The following PIP variants were observed in gnomAD, a reference collection of about 807,000 sequenced individuals.
The protein encoded by PIP is prolactin induced protein.
PIP carries 9 observed loss-of-function variants against 12.8 expected under a neutral mutation model. That is an observed-to-expected ratio of 0.70 (90% CI 0.42 to 1.23). The LOEUF (loss-of-function observed/expected upper bound fraction) is 1.23, where lower values mean the gene tolerates loss of function less well. Ranked by LOEUF, PIP falls within the 50% of genes most tolerant of loss-of-function variation. The pLI, the probability that PIP is intolerant of heterozygous loss-of-function variation, is 0.00. For missense variants in PIP, 172 were observed against 179.5 expected, an observed-to-expected ratio of 0.96 and a Z score of 0.24; for synonymous variants, 60 against 66.1, an observed-to-expected ratio of 0.91 and a Z score of 0.45.
chr7:143,138,697 G>A (rs890466965), intron 2 of PIP, among the ~76,000 whole-genome samples: 2 of 152,128 alleles, frequency 1.3e-5, no homozygotes, highest in Admixed American at 1.3e-4. Context: ...TGGCCAGGCT[G>A]CTGTCTCACC....
At position 143,139,541 on chromosome 7, in the gene PIP, G is replaced by A. The variant is rs149269022; in HGVS notation, c.340G>A (p.Val114Ile). ...TNRTVQIAAV[V>I]DVIRELGICP... Reference sequence around the variant, plus strand: ...AGGAACTGTGCAAATTGCAGCCGTCGTTGATGTTATTCGGGAATTAGGCAT... The same window carrying A: ...AGGAACTGTGCAAATTGCAGCCGTCATTGATGTTATTCGGGAATTAGGCAT... The change falls in exon 4 of 4, where the codon GTT becomes ATT. Residue 114 changes from valine (V) to isoleucine (I), a missense_variant. By Grantham distance (29) the Val-to-Ile change is conservative (BLOSUM62 3). Coordinates refer to ENST00000291009, the MANE Select transcript of PIP (RefSeq NM_002652.3). The A allele has an allele frequency of 2.0e-4, 317 of 1,613,266 alleles. 2 individuals carry two copies. The African/African-American group carries it at 3.6e-3, about 18-fold the overall frequency.
intron 1 of PIP, among the ~76,000 whole-genome samples, chr7:143,134,149 C>T (rs1259554607): frequency 7.7e-6 from 1 of 129,366 alleles, no homozygotes; most frequent in Admixed American, 8.6e-5. Flanking sequence ...GCTGTTAATT[C>T]ATTCCTTATT....
chr7:143,134,753 A>G (rs1454403133), intron 1 of PIP, among the ~76,000 whole-genome samples: 1 of 151,748 alleles, frequency 6.6e-6, no homozygotes, highest in Non-Finnish European at 1.5e-5. Flanking sequence ...TTTTCTTTTT[A>G]AAAACTTGTT....
At chr7:143,134,834 T>G (rs983092192) in intron 1 of PIP, among the ~76,000 whole-genome samples, 3 of 152,006 alleles carry the variant, frequency 2.0e-5, no homozygotes, top group Non-Finnish European at 4.4e-5. Flanking sequence ...GATTTTGCAA[T>G]TGTGAATTGT....
intron 2 of PIP, among the ~76,000 whole-genome samples, chr7:143,136,943 T>A (rs955018535): frequency 6.6e-6 from 1 of 151,738 alleles, no homozygotes; most frequent in Non-Finnish European, 1.5e-5. Flanking sequence ...GCTTCATTTT[T>A]CAAAGTATAA....
At position 143,134,183 on chromosome 7, in the gene PIP, CATATATATATATATATATATATATATAT is replaced by C. The variant is rs60656573; in HGVS notation, c.96-987_96-960del. Among the ~76,000 whole-genome samples, 58 of 41,666 alleles carry C rather than the reference CATATATATATATATATATATATATATAT, an allele frequency of 1.4e-3. 2 individuals carry two copies. The East Asian group carries it at 0.022, about 16-fold the overall frequency. The allele number at this position is 41,666 out of a possible 152,430, so 27.3% of individuals were successfully genotyped here. A position where few individuals can be genotyped will look rare whatever the true frequency, so the allele number is the denominator to read the frequency against. On this transcript the variant is annotated intron_variant, in intron 1 of 3. Coordinates refer to ENST00000291009, the MANE Select transcript of PIP (RefSeq NM_002652.3). ...TTATGGCTGAGTAGTAGTATTCCAT[CATATATATATATATATATATATATATAT>C]ATATATATATATATATATATATACC...
chr7:143,137,014 C>T (rs1164592289), intron 2 of PIP, among the ~76,000 whole-genome samples: 1 of 151,246 alleles, frequency 6.6e-6, no homozygotes, highest in African/African-American at 2.4e-5. Context: ...CCATCTAATC[C>T]TCATTTTTTA....
chr7:143,134,474 G>T (rs544894285), intron 1 of PIP, among the ~76,000 whole-genome samples: 1 of 151,394 alleles, frequency 6.6e-6, no homozygotes, highest in African/African-American at 2.4e-5. Flanking sequence ...TTACATTCCC[G>T]TCAGCAGTAT....
At chr7:143,134,563 GT>G (rs1431737222) in intron 1 of PIP, among the ~76,000 whole-genome samples, 1 of 151,816 alleles carries the variant, frequency 6.6e-6, no homozygotes, top group Admixed American at 6.6e-5. Flanking sequence ...TCTTGCAGGA[GT>G]AAGGTGGTAT....
In PIP at chr7:143,135,237, C is replaced by G; in HGVS notation, c.139C>G (p.Arg47Gly). The G allele has an allele frequency of 6.2e-7, 1 of 1,601,262 alleles. No homozygotes were observed. Among genetic ancestry groups the G allele is most frequent in the Non-Finnish European group, 8.6e-7 (1 of 1,168,526 alleles). The change falls in exon 2 of 4, where the codon CGT becomes GGT. Residue 47 changes from arginine to glycine, a missense_variant. Physicochemically the swap from Arg to Gly is moderately radical, Grantham distance 125 (BLOSUM62 -2). Coordinates refer to ENST00000291009, the MANE Select transcript of PIP (RefSeq NM_002652.3). ...GAATTTTGACATTCCCAAGTCAGTA[C>G]GTCCAAATGACGAAGTCACTGCAGT... ...IKNFDIPKSV[R>G]PNDEVTAVLA...
chr7:143,132,402 T>G (rs945424619), intron 1 of PIP, among the ~76,000 whole-genome samples, 191 bp downstream of exon 1: 3 of 152,074 alleles, frequency 2.0e-5, no homozygotes, highest in Non-Finnish European at 2.9e-5. Context: ...CCTCTCACAT[T>G]TTTGCTGGGT....
intron 1 of PIP, among the ~76,000 whole-genome samples, 163 bp downstream of exon 1, chr7:143,132,374 T>C (rs1799251409): frequency 6.6e-6 from 1 of 152,086 alleles, no homozygotes; most frequent in South Asian, 2.1e-4. Flanking sequence ...CTTGTCCTCT[T>C]AGGAAGCCCC....
At chr7:143,138,500 T>C (rs967115172) in intron 2 of PIP, among the ~76,000 whole-genome samples, 1 of 152,130 alleles carries the variant, frequency 6.6e-6, no homozygotes, top group Non-Finnish European at 1.5e-5. Context: ...AAAAAGAAAT[T>C]TACATTCAAG....
At chr7:143,135,519 A>C (rs924421533) in intron 2 of PIP, among the ~76,000 whole-genome samples, 2 of 152,112 alleles carry the variant, frequency 1.3e-5, no homozygotes, top group African/African-American at 2.4e-5. Flanking sequence ...AGGATAAATA[A>C]GAAGGAAAGG....
At chr7:143,139,243 G>A (rs915727162) in intron 3 of PIP, 54 bp downstream of exon 3, 17 of 1,037,206 alleles carry the variant, frequency 1.6e-5, no homozygotes, top group Middle Eastern at 2.0e-4. Flanking sequence ...CCAGGGAGGA[G>A]AAACTATAAA....
intron 1 of PIP, among the ~76,000 whole-genome samples, chr7:143,133,508 G>A (rs944353198): frequency 5.9e-5 from 9 of 152,056 alleles, no homozygotes; most frequent in Non-Finnish European, 8.8e-5. Context: ...ACAAAGGTCC[G>A]TAGCCGGGAG....
In PIP at chr7:143,135,527, A is replaced by G. The variant is rs1274984950; in HGVS notation, c.201+228A>G. ...GAAGTCTAGGATAAATAAGAAGGAAAGGAAGAAGGAATAGGAAGTGAGAAA... is the reference window on the plus strand; with the variant it reads ...GAAGTCTAGGATAAATAAGAAGGAAGGGAAGAAGGAATAGGAAGTGAGAAA... On this transcript the variant is annotated intron_variant, in intron 2 of 3. Coordinates refer to ENST00000291009, the MANE Select transcript of PIP (RefSeq NM_002652.3). 2.0e-4 allele frequency among the ~76,000 whole-genome samples: 30 copies of G among 152,086 alleles called. 1 individual carries two copies. The highest frequency in any genetic ancestry group is 8.8e-5 in the Non-Finnish European group (6 of 67,988).
At chr7:143,132,754 G>A (rs981976911) in intron 1 of PIP, among the ~76,000 whole-genome samples, 1 of 152,088 alleles carries the variant, frequency 6.6e-6, no homozygotes, top group Non-Finnish European at 1.5e-5. Flanking sequence ...TTGCTCTCAC[G>A]TATACTGGGA....
intron 2 of PIP, among the ~76,000 whole-genome samples, chr7:143,135,802 G>A (rs1365488503): frequency 6.6e-6 from 1 of 151,926 alleles, no homozygotes; most frequent in Non-Finnish European, 1.5e-5. Flanking sequence ...CACCAGAAGT[G>A]GACTCTTGTT....
Sources: allele counts gnomAD v4.1 joint callset (sites outside exome capture counted in the v4.1 genomes callset), GRCh38; gene constraint gnomAD v4.1.1; transcripts MANE v1.5; gene names NCBI Gene and HGNC (gene_info 2026-07-23, HGNC 2026-07-21).